CCL28: variants seen among roughly 807,000 people sequenced by gnomAD.
CCL28 encodes C-C motif chemokine 28.
CCL28 carries 4 observed loss-of-function variants against 7.1 expected under a neutral mutation model. The observed-to-expected ratio is 0.56, with a 90% CI of 0.28 to 1.29. The LOEUF (loss-of-function observed/expected upper bound fraction) is 1.29. Ranked by LOEUF, CCL28 falls within the 50% of genes most tolerant of loss-of-function variation. CCL28 has a pLI of 0.11. For missense variants in CCL28, 151 were observed against 163.4 expected (o/e 0.92, Z 0.41); for synonymous variants, 55 against 57.8 (o/e 0.95, Z 0.22).
intron 2 of CCL28, among the ~76,000 whole-genome samples, chr5:43,387,091 T>A (rs949657698): frequency 1.1e-4 from 16 of 152,242 alleles, no homozygotes; most frequent in Non-Finnish European, 2.1e-4. Context: ...CTCACTAGCA[T>A]CACCTGGAGC....
chr5:43,392,337 G>A (rs562703935), intron 1 of CCL28, among the ~76,000 whole-genome samples: 32 of 152,178 alleles, frequency 2.1e-4, no homozygotes, highest in African/African-American at 7.5e-4. Flanking sequence ...GGCTGGTCTT[G>A]AACTCCTGAC....
downstream of CCL28, among the ~76,000 whole-genome samples, chr5:43,377,719 T>TC (rs1739939022): frequency 1.6e-5 from 1 of 61,194 alleles, no homozygotes; most frequent in Non-Finnish European, 3.2e-5. Flanking sequence ...AACTTAAACT[T>TC]TTTTTTTTTT....
At chr5:43,359,962 C>T in the CCL28 span, among the ~76,000 whole-genome samples, 1 of 152,110 alleles carries the variant, frequency 6.6e-6, no homozygotes, top group African/African-American at 2.4e-5. Flanking sequence ...TCCCTAGTCC[C>T]CTGCCCACCA....
At chr5:43,368,809 G>A in the CCL28 span, among the ~76,000 whole-genome samples, 2 of 152,128 alleles carry the variant, frequency 1.3e-5, no homozygotes, top group African/African-American at 4.8e-5. Context: ...GGAGAGAGGT[G>A]TGGGACAGAA....
chr5:43,392,216 A>C (rs1740602246), intron 1 of CCL28, among the ~76,000 whole-genome samples: 1 of 152,144 alleles, frequency 6.6e-6, no homozygotes, highest in African/African-American at 2.4e-5. Context: ...TCCGGGGTTC[A>C]AGAGATTCTC....
intron 1 of CCL28, among the ~76,000 whole-genome samples, chr5:43,411,116 A>C (rs1293635714): frequency 2.0e-5 from 3 of 152,196 alleles, no homozygotes; most frequent in African/African-American, 7.2e-5. Context: ...CTGATTTCTC[A>C]AGAGAAGCTT....
the CCL28 span, among the ~76,000 whole-genome samples, chr5:43,367,921 C>T: frequency 9.8e-4 from 149 of 152,316 alleles, 1 homozygote; most frequent in African/African-American, 3.4e-3. Flanking sequence ...ATTTCCCATA[C>T]AAATCTTCAA....
chr5:43,406,326 T>G (rs1169630122), intron 1 of CCL28, among the ~76,000 whole-genome samples: 158 of 152,174 alleles, frequency 1.0e-3, no homozygotes, highest in African/African-American at 3.7e-3. Context: ...ATCCCTGGGA[T>G]GCAAGGCTGG....
intron 1 of CCL28, among the ~76,000 whole-genome samples, chr5:43,394,317 C>T (rs918945191): frequency 3.9e-5 from 6 of 152,116 alleles, no homozygotes; most frequent in East Asian, 1.9e-4. Context: ...TGATCCTTTA[C>T]CTTTTAGATA....
chr5:43,366,912 C>G, the CCL28 span, among the ~76,000 whole-genome samples: 1 of 152,236 alleles, frequency 6.6e-6, no homozygotes, highest in African/African-American at 2.4e-5. Flanking sequence ...GGGTTCCACC[C>G]AGTTCGAACT....
At chr5:43,372,804 T>C (rs563935984), downstream of CCL28, among the ~76,000 whole-genome samples, 4 of 151,786 alleles carry the variant, frequency 2.6e-5, no homozygotes, top group Admixed American at 1.3e-4. Context: ...TATCTGACTT[T>C]ATTTTATTTT....
the CCL28 span, among the ~76,000 whole-genome samples, chr5:43,369,039 AGAGAG>A: frequency 9.8e-3 from 19 of 1,932 alleles, no homozygotes; most frequent in South Asian, 0.047. Flanking sequence ...AGAGAGAAAG[AGAGAG>A]AGAGAGAGAG....
At chr5:43,384,147 A>C (rs1740241494) in intron 2 of CCL28, 1 of 154,414 alleles carries the variant, frequency 6.5e-6, no homozygotes, top group Admixed American at 6.5e-5. Context: ...TAAGTTACAC[A>C]GGAAAGACCT....
chr5:43,386,453 G>A (rs1740339063), intron 2 of CCL28, among the ~76,000 whole-genome samples: 1 of 152,180 alleles, frequency 6.6e-6, no homozygotes. Flanking sequence ...GAGCCACGTG[G>A]TGGCTTGAAC....
the CCL28 span, among the ~76,000 whole-genome samples, chr5:43,365,652 T>C: frequency 6.6e-6 from 1 of 152,330 alleles, no homozygotes; most frequent in Non-Finnish European, 1.5e-5. Context: ...TTGCTCTTCT[T>C]GAAGAGTATC....
the CCL28 span, among the ~76,000 whole-genome samples, chr5:43,361,668 T>G: frequency 3.3e-5 from 5 of 152,118 alleles, no homozygotes; most frequent in African/African-American, 1.2e-4. Context: ...TTTTTATATA[T>G]GGTGTAAAGA....
At chr5:43,392,816 A>G (rs1193411662) in intron 1 of CCL28, among the ~76,000 whole-genome samples, 1 of 152,226 alleles carries the variant, frequency 6.6e-6, no homozygotes, top group Non-Finnish European at 1.5e-5. Context: ...TGATTTTTAA[A>G]AAATTATTTA....
chr5:43,405,579 T>G (rs1741242424), intron 1 of CCL28, among the ~76,000 whole-genome samples: 1 of 151,986 alleles, frequency 6.6e-6, no homozygotes, highest in South Asian at 2.1e-4. Context: ...ACATCACAAT[T>G]AAAAGAACTA....
At chr5:43,382,081 A>G in intron 2 of CCL28, 29 bp from the exon 3 acceptor site, 1 of 1,592,608 alleles carries the variant, frequency 6.3e-7, no homozygotes, top group South Asian at 1.1e-5. Context: ...AAAGAAAGTC[A>G]CTGATATAAA....
Sources: gnomAD v4.1 joint callset for allele counts (sites outside exome capture counted in the v4.1 genomes callset) on GRCh38, gnomAD v4.1.1 for gene constraint, MANE v1.5 for transcripts, NCBI Gene and HGNC (gene_info 2026-07-23, HGNC 2026-07-21) for gene names.